The following CYP3A4 variants were observed in gnomAD, a reference collection of about 807,000 sequenced individuals.
The protein encoded by CYP3A4 is cytochrome P450 family 3 subfamily A member 4.
Under a neutral mutation model 54.9 loss-of-function variants are expected in CYP3A4, and 41 were observed. The ratio of observed to expected loss-of-function variants is 0.75; its 90% CI spans 0.58 to 0.97. The LOEUF (loss-of-function observed/expected upper bound fraction) is 0.97, where lower values mean the gene tolerates loss of function less well. Ranked by LOEUF, CYP3A4 falls within the 50% of genes least tolerant of loss-of-function variation. The probability of loss-of-function intolerance (pLI) is 0.00; values close to 1 mark genes in which losing one functional copy is unlikely to be tolerated. For synonymous variants in CYP3A4, 179 were observed against 205.2 expected, an observed-to-expected ratio of 0.87 and a Z score of 1.09; for missense variants, 510 against 597.3, an observed-to-expected ratio of 0.85 and a Z score of 1.52.
chr7:99,768,924 C>T (rs1179499657), intron 6 of CYP3A4, among the ~76,000 whole-genome samples: 1 of 152,118 alleles, frequency 6.6e-6, no homozygotes, highest in African/African-American at 2.4e-5. Context: ...TGCCCAGAGC[C>T]GATTCCTCTT....
chr7:99,777,289 G>A (rs547406332), intron 3 of CYP3A4, among the ~76,000 whole-genome samples: 1 of 152,244 alleles, frequency 6.6e-6, no homozygotes, highest in East Asian at 1.9e-4. Context: ...GCAGACACTG[G>A]ACAGAGCATG....
intron 8 of CYP3A4, 131 bp downstream of exon 8, chr7:99,767,000 T>C: frequency 1.2e-6 from 1 of 809,000 alleles, no homozygotes; most frequent in Non-Finnish European, 1.9e-6. Flanking sequence ...ATTCTCTTGC[T>C]CTAAACATGA....
At chr7:99,781,144 T>G (rs1442195635) in intron 1 of CYP3A4, among the ~76,000 whole-genome samples, 22 of 152,164 alleles carry the variant, frequency 1.4e-4, no homozygotes, top group Non-Finnish European at 5.9e-5. Flanking sequence ...GTGTGGCACC[T>G]TCTCCCCAGC....
At chr7:99,780,111 C>A in intron 1 of CYP3A4, 26 bp from the exon 2 acceptor site, 1 of 1,602,396 alleles carries the variant, frequency 6.2e-7, no homozygotes, top group Non-Finnish European at 8.5e-7. Context: ...GAAATCAAGT[C>A]ACAGCGATTG....
At chr7:99,779,122 C>T (rs1233028009) in intron 2 of CYP3A4, among the ~76,000 whole-genome samples, 3 of 152,144 alleles carry the variant, frequency 2.0e-5, no homozygotes, top group Non-Finnish European at 4.4e-5. Flanking sequence ...CCAAAGTTCA[C>T]GGTCCACGTG....
intron 11 of CYP3A4, among the ~76,000 whole-genome samples, chr7:99,761,311 G>A (rs1188313567): frequency 6.6e-6 from 1 of 152,218 alleles, no homozygotes; most frequent in African/African-American, 2.4e-5. Flanking sequence ...GGGACTGACT[G>A]ATGGAAAAGT....
intron 9 of CYP3A4, among the ~76,000 whole-genome samples, chr7:99,765,139 T>C (rs1815442331): frequency 6.6e-6 from 1 of 152,202 alleles, no homozygotes; most frequent in Non-Finnish European, 1.5e-5. Context: ...AACCTGATGA[T>C]ACTGATGTGA....
At position 99,762,140 on chromosome 7, in the gene CYP3A4, C is replaced by A; in HGVS notation, c.1154G>T (p.Gly385Val). 6.2e-7 allele frequency: 1 copy of A among 1,614,020 alleles called. No homozygotes were observed. The highest frequency in any genetic ancestry group is 1.1e-5 in the South Asian group (1 of 91,070). ...RVCKKDVEIN[G>V]MFIPKGVVVM... ...CACCACCCCTTTGGGAATGAACATC[C>A]CATTGATCTCAACATCTTTTTTGCA... The change falls in exon 11 of 13, where the codon GGG becomes GTG. Residue 385 changes from glycine (G) to valine (V), a missense_variant. Physicochemically the swap from Gly to Val is moderately radical, Grantham distance 109. Transcript: ENST00000651514.
chr7:99,765,438 A>G (rs1815450108), intron 9 of CYP3A4, among the ~76,000 whole-genome samples: 1 of 152,172 alleles, frequency 6.6e-6, no homozygotes, highest in African/African-American at 2.4e-5. Flanking sequence ...GATAGATGAT[A>G]GATGGATAAA....
rs1563043417 is a variant in CYP3A4, at chr7:99,772,472, A to T, written c.318+118T>A. The T allele has an allele frequency of 3.8e-5, 47 of 1,251,342 alleles. No individual in the cohort carries two copies. The East Asian group carries it at 1.2e-3, about 31-fold the overall frequency. 77.5% of individuals were successfully genotyped at this position (1,251,342 alleles called of 1,614,324 possible). On this transcript the variant is annotated intron_variant, in intron 4 of 12. Transcript: ENST00000651514. ...GATGTTACCATTCGGGGGGGACAGG[A>T]TGAAGTGGACGTGGAACCTTCCTGG...
chr7:99,758,003 C>CG lies in CYP3A4; in HGVS notation c.*129dup, dbSNP rs1815221358. Reference sequence around the variant, plus strand: ...GAGCTCAATGCATGTACAGAATCCCCGGTTATTTATGCAGTCCATTGGATG... The same window carrying CG: ...GAGCTCAATGCATGTACAGAATCCCCGGGTTATTTATGCAGTCCATTGGATG... On this transcript the variant is annotated 3_prime_UTR_variant, in exon 13 of 13. Coordinates refer to ENST00000651514, the MANE Select transcript of CYP3A4 (RefSeq NM_017460.6). 2 of 733,114 alleles carry CG rather than the reference C, an allele frequency of 2.7e-6. No individual in the cohort carries two copies. Among genetic ancestry groups the CG allele is most frequent in the Non-Finnish European group, 4.7e-6 (2 of 423,940 alleles). The allele number at this position is 733,114 out of a possible 1,614,324, so 45.4% of individuals were successfully genotyped here. A position where few individuals can be genotyped will look rare whatever the true frequency, so the allele number is the denominator to read the frequency against.
At chr7:99,771,406 C>T (rs529470652) in intron 4 of CYP3A4, among the ~76,000 whole-genome samples, 1 of 152,202 alleles carries the variant, frequency 6.6e-6, no homozygotes, top group African/African-American at 2.4e-5. Context: ...GTAAATCTAA[C>T]AAAACATGTA....
rs149271930 is a variant in CYP3A4, at chr7:99,768,502, G to T, written c.522C>A (p.Asp174Glu). Residue 174 changes from aspartate (D) to glutamate (E), a missense_variant and splice_region_variant, in exon 7 of 13, where the codon GAC (aspartate) becomes GAA (glutamate). Around this residue, in one of 2 missense-constraint regions of CYP3A4, gnomAD observed 272 missense variants for 274.9 expected, o/e 0.99. Coordinates refer to ENST00000651514, the MANE Select transcript of CYP3A4 (RefSeq NM_017460.6). ...CATCCATGCTGTAGGCCCCAAAGACGCTGAGTGGAGAAAGATGTGGAAAAT... is the reference window on the plus strand; with the variant it reads ...CATCCATGCTGTAGGCCCCAAAGACTCTGAGTGGAGAAAGATGTGGAAAAT... ...AETGKPVTLK[D>E]VFGAYSMDVI... 1.9e-6 allele frequency: 3 copies of T among 1,613,678 alleles called. No individual in the cohort carries two copies. The highest frequency in any genetic ancestry group is 1.3e-5 in the African/African-American group (1 of 75,000).
chr7:99,767,931 G>A lies in CYP3A4; in HGVS notation c.670+423C>T, dbSNP rs28988586. Among the ~76,000 whole-genome samples the A allele has an allele frequency of 8.5e-3, 1,301 of 152,232 alleles. 19 individuals are homozygous for A. The highest frequency in any genetic ancestry group is 0.029 in the African/African-American group (1,212 of 41,548). Reference sequence around the variant, plus strand: ...AAAAAATCACAAATCAGTAATCTATGTTCATGCCACAACATAGTAAACGAA... The same window carrying A: ...AAAAAATCACAAATCAGTAATCTATATTCATGCCACAACATAGTAAACGAA... On this transcript the variant is annotated intron_variant, in intron 7 of 12. Transcript: ENST00000651514.
At chr7:99,768,321 A>G in intron 7 of CYP3A4, 33 bp downstream of exon 7, 3 of 1,599,024 alleles carry the variant, frequency 1.9e-6, no homozygotes, top group Non-Finnish European at 2.6e-6. Flanking sequence ...TTAAGAGAGC[A>G]AGATAAATAA....
chr7:99,775,052 A>G (rs1815728164), intron 3 of CYP3A4, among the ~76,000 whole-genome samples: 1 of 152,146 alleles, frequency 6.6e-6, no homozygotes, highest in African/African-American at 2.4e-5. Context: ...ATAATAGACA[A>G]ACAGAGAGCC....
intron 6 of CYP3A4, 79 bp from the exon 7 acceptor site, chr7:99,768,581 C>T (rs1483333384): frequency 1.3e-5 from 21 of 1,610,228 alleles, no homozygotes; most frequent in Non-Finnish European, 1.7e-5. Flanking sequence ...AGGAAACCCA[C>T]ATGTCCAGTC....
Position 99,763,384 on chromosome 7 carries a change from T to C in CYP3A4, c.1026+471A>G, listed in dbSNP as rs760709504. ...CATCAAATAACATATGAGAAAGTGATTGTTACCTTTCAAAAAAAAAAGTCA... is the reference window on the plus strand; with the variant it reads ...CATCAAATAACATATGAGAAAGTGACTGTTACCTTTCAAAAAAAAAAGTCA... On this transcript the variant is annotated intron_variant, in intron 10 of 12. Transcript: ENST00000651514. Among the ~76,000 whole-genome samples, 4 of 152,168 alleles carry C rather than the reference T, an allele frequency of 2.6e-5. 1 individual carries two copies. In the South Asian group the frequency reaches 6.2e-4, roughly 24 times the overall value.
chr7:99,761,956 C>T (rs1815344081), intron 11 of CYP3A4, 85 bp downstream of exon 11: 2 of 1,182,210 alleles, frequency 1.7e-6, no homozygotes, highest in Non-Finnish European at 2.5e-6. Flanking sequence ...TATACAACCA[C>T]ATGACTGTCC....
Sources: gnomAD v4.1 joint callset for allele counts (sites outside exome capture counted in the v4.1 genomes callset) on GRCh38, gnomAD v4.1.1 for gene constraint, gnomAD v4.1.1 regional missense constraint, MANE v1.5 for transcripts, NCBI Gene and HGNC (gene_info 2026-07-23, HGNC 2026-07-21) for gene names.